JMJD1C: variants seen among roughly 807,000 people sequenced by gnomAD.
JMJD1C encodes the protein jumonji domain containing 1C.
Under a neutral mutation model 245.3 loss-of-function variants are expected in JMJD1C, and 31 were observed. The observed-to-expected ratio is 0.13, with a 90% CI of 0.09 to 0.17. The LOEUF (loss-of-function observed/expected upper bound fraction) is 0.17. JMJD1C is among the 10% of genes least tolerant of loss of function. The pLI is 1.00. For missense variants in JMJD1C, 2,691 were observed against 3,000.2 expected, an observed-to-expected ratio of 0.90 and a Z score of 2.41; for synonymous variants, 1,057 against 1,017.4, an observed-to-expected ratio of 1.04 and a Z score of -0.74.
intron 1 of JMJD1C, among the ~76,000 whole-genome samples, chr10:63,474,740 G>A (rs561691102): frequency 3.9e-5 from 6 of 152,058 alleles, no homozygotes; most frequent in African/African-American, 9.6e-5. Flanking sequence ...ATGAGCCACC[G>A]TGCTCAGCCC....
chr10:63,254,401 T>C (rs1853558774), intron 3 of JMJD1C, among the ~76,000 whole-genome samples: 2 of 152,164 alleles, frequency 1.3e-5, no homozygotes, highest in Admixed American at 1.3e-4. Context: ...CTTAGTCTTT[T>C]ATTTAGGAAA....
At chr10:63,375,120 C>G (rs1946619947) in intron 2 of JMJD1C, among the ~76,000 whole-genome samples, 1 of 149,746 alleles carries the variant, frequency 6.7e-6, no homozygotes, top group Admixed American at 6.7e-5. Context: ...AGCTTTCAGT[C>G]TTTCACCATT....
intron 2 of JMJD1C, among the ~76,000 whole-genome samples, chr10:63,270,712 C>A (rs1253528273): frequency 6.6e-6 from 1 of 152,158 alleles, no homozygotes; most frequent in African/African-American, 2.4e-5. Flanking sequence ...AAGCGATCCA[C>A]CCACTTCAGT....
Position 63,493,573 on chromosome 10 carries a change from C to T in JMJD1C, n.113+28165G>A, listed in dbSNP as rs978866994. Among the ~76,000 whole-genome samples, 118 of 152,128 alleles carry T rather than the reference C, an allele frequency of 7.8e-4. 2 individuals are homozygous for T. Among genetic ancestry groups the T allele is most frequent in the Admixed American group, 7.6e-3 (116 of 15,272 alleles). ...CTGGGATTACAGGCGTGAGCCACCA[C>T]CCCCAGCCTAATTCATATTTTTATA... On this transcript the variant is annotated intron_variant and non_coding_transcript_variant, in intron 1 of 3. Transcript: ENST00000633035.
intron 1 of JMJD1C, among the ~76,000 whole-genome samples, chr10:63,510,496 T>C (rs916384324): frequency 6.6e-6 from 1 of 152,232 alleles, no homozygotes; most frequent in Non-Finnish European, 1.5e-5. Context: ...ATCTTCCACA[T>C]ATTTTGGGAT....
intron 2 of JMJD1C, among the ~76,000 whole-genome samples, chr10:63,367,138 G>A (rs1945908491): frequency 6.6e-6 from 1 of 152,198 alleles, no homozygotes; most frequent in African/African-American, 2.4e-5. Flanking sequence ...TCACACTGCA[G>A]CACTCTCAGA....
intron 3 of JMJD1C, among the ~76,000 whole-genome samples, chr10:63,260,599 T>A (rs918591345): frequency 1.9e-4 from 28 of 149,720 alleles, no homozygotes; most frequent in Non-Finnish European, 3.1e-4. Context: ...AAAAAAACTA[T>A]TTTTTTTTGA....
At chr10:63,313,295 TGAG>T (rs59388827) in intron 2 of JMJD1C, among the ~76,000 whole-genome samples, 3,269 of 152,334 alleles carry the variant, frequency 0.021, 112 homozygotes, top group African/African-American at 0.073. Flanking sequence ...TTTTTATGGC[TGAG>T]TAGTATTCCA....
intron 1 of JMJD1C, among the ~76,000 whole-genome samples, chr10:63,454,707 A>C (rs992230928): frequency 1.3e-5 from 2 of 152,216 alleles, no homozygotes; most frequent in Non-Finnish European, 2.9e-5. Flanking sequence ...CTGAGATTAC[A>C]GGCATGAGCT....
At chr10:63,343,745 T>A (rs1382554668) in intron 2 of JMJD1C, among the ~76,000 whole-genome samples, 2 of 152,212 alleles carry the variant, frequency 1.3e-5, no homozygotes, top group Admixed American at 6.5e-5. Flanking sequence ...TTAAAAAAAA[T>A]TAATTTAGTG....
chr10:63,170,575 T>G (rs1842253630), intron 24 of JMJD1C, among the ~76,000 whole-genome samples: 1 of 152,256 alleles, frequency 6.6e-6, no homozygotes, highest in Middle Eastern at 3.2e-3. Context: ...CAGCTGCCCT[T>G]TTCTTCATTA....
chr10:63,183,590 T>A, intron 21 of JMJD1C, 21 bp from the exon 22 acceptor site: 1 of 1,425,176 alleles, frequency 7.0e-7, no homozygotes, highest in Non-Finnish European at 9.5e-7. Flanking sequence ...AACAAAATTT[T>A]ACTTGACAAA....
At chr10:63,311,994 A>G (rs556280632) in intron 2 of JMJD1C, among the ~76,000 whole-genome samples, 8 of 152,210 alleles carry the variant, frequency 5.3e-5, no homozygotes, top group Non-Finnish European at 1.0e-4. Context: ...TGTACCTGTC[A>G]AAAGCCAAAA....
At chr10:63,295,168 A>C (rs1440542429) in intron 2 of JMJD1C, among the ~76,000 whole-genome samples, 1 of 151,894 alleles carries the variant, frequency 6.6e-6, no homozygotes, top group Non-Finnish European at 1.5e-5. Flanking sequence ...GCTCAGTCTC[A>C]CTGCAGGTGT....
intron 2 of JMJD1C, among the ~76,000 whole-genome samples, chr10:63,341,449 T>TA (rs1564809378): frequency 6.6e-6 from 1 of 152,212 alleles, no homozygotes; most frequent in South Asian, 2.1e-4. Flanking sequence ...TGTGTTGGGA[T>TA]ACGTTAATAC....
At chr10:63,282,716 C>T (rs567435619) in intron 2 of JMJD1C, among the ~76,000 whole-genome samples, 1 of 152,214 alleles carries the variant, frequency 6.6e-6, no homozygotes, top group East Asian at 1.9e-4. Flanking sequence ...CCCACTAAAA[C>T]TCTAGGTTTT....
chr10:63,476,005 T>C (rs1953649426), intron 1 of JMJD1C, among the ~76,000 whole-genome samples: 1 of 151,930 alleles, frequency 6.6e-6, no homozygotes, highest in Non-Finnish European at 1.5e-5. Flanking sequence ...GGTCAGGAAT[T>C]TGAGACCAGC....
intron 1 of JMJD1C, among the ~76,000 whole-genome samples, chr10:63,433,622 G>C (rs1171222531): frequency 8.6e-6 from 1 of 116,276 alleles, no homozygotes; most frequent in Non-Finnish European, 1.7e-5. Flanking sequence ...GTCTCGCTTT[G>C]ATGCTGAGGC....
chr10:63,254,428 AAAAT>A (rs1299520043), intron 3 of JMJD1C, among the ~76,000 whole-genome samples: 7 of 152,214 alleles, frequency 4.6e-5, no homozygotes, highest in African/African-American at 1.7e-4. Flanking sequence ...AACTATAAGA[AAAAT>A]AAAGTGCCAC....
Sources: gnomAD v4.1 joint callset for allele counts (sites outside exome capture counted in the v4.1 genomes callset) on GRCh38, gnomAD v4.1.1 for gene constraint, MANE v1.5 for transcripts, NCBI Gene and HGNC (gene_info 2026-07-23, HGNC 2026-07-21) for gene names.